Variants in ARB2A observed in about 807,000 individuals in gnomAD.
The protein encoded by ARB2A is cotranscriptional regulator ARB2A.
the ARB2A span, among the ~76,000 whole-genome samples, chr5:93,972,796 C>T: frequency 6.6e-6 from 1 of 151,818 alleles, no homozygotes; most frequent in African/African-American, 2.4e-5. Flanking sequence ...CTACAGGGGG[C>T]TTGTTGTGGT....
chr5:93,641,657 A>G, the ARB2A span, among the ~76,000 whole-genome samples: 4 of 152,252 alleles, frequency 2.6e-5, no homozygotes, highest in Non-Finnish European at 5.9e-5. Context: ...ACAATAATAA[A>G]GAATGCTATG....
At chr5:93,869,092 G>A in the ARB2A span, among the ~76,000 whole-genome samples, 1 of 152,164 alleles carries the variant, frequency 6.6e-6, no homozygotes, top group Non-Finnish European at 1.5e-5. Flanking sequence ...ATAACTATGA[G>A]TAAGTCTGTT....
chr5:93,622,014 T>G, the ARB2A span, among the ~76,000 whole-genome samples: 1 of 152,182 alleles, frequency 6.6e-6, no homozygotes, highest in Non-Finnish European at 1.5e-5. Flanking sequence ...GTAATACTAA[T>G]GTACAGCATG....
the ARB2A span, among the ~76,000 whole-genome samples, chr5:93,677,885 A>G: frequency 6.6e-6 from 1 of 152,194 alleles, no homozygotes; most frequent in South Asian, 2.1e-4. Context: ...TGGGGATCTC[A>G]GTGCTACTTC....
chr5:94,092,829 T>C, the ARB2A span, among the ~76,000 whole-genome samples: 1 of 152,138 alleles, frequency 6.6e-6, no homozygotes, highest in Admixed American at 6.5e-5. Flanking sequence ...TTATACCTAA[T>C]TGAAACATCC....
At chr5:93,699,217 T>C in the ARB2A span, among the ~76,000 whole-genome samples, 1 of 152,136 alleles carries the variant, frequency 6.6e-6, no homozygotes, top group Non-Finnish European at 1.5e-5. Flanking sequence ...AGCCTGTGCT[T>C]TTAACCACTA....
the ARB2A span, among the ~76,000 whole-genome samples, chr5:94,030,141 A>G: frequency 1.3e-5 from 2 of 152,072 alleles, no homozygotes; most frequent in African/African-American, 4.8e-5. Context: ...GAGCTACACA[A>G]CTCGAGATTT....
the ARB2A span, among the ~76,000 whole-genome samples, chr5:94,089,321 G>C: frequency 2.0e-5 from 3 of 152,104 alleles, no homozygotes; most frequent in Non-Finnish European, 4.4e-5. Context: ...GACTGACAAA[G>C]AACTAGCACT....
the ARB2A span, among the ~76,000 whole-genome samples, chr5:94,096,204 C>T: frequency 6.6e-6 from 1 of 152,174 alleles, no homozygotes; most frequent in Non-Finnish European, 1.5e-5. Flanking sequence ...AGCATCTAAT[C>T]TAACCATCAA....
the ARB2A span, among the ~76,000 whole-genome samples, chr5:93,714,166 A>G: frequency 6.6e-6 from 1 of 152,250 alleles, no homozygotes; most frequent in Admixed American, 6.5e-5. Flanking sequence ...CAAGCTGATT[A>G]CAAAACAGAA....
the ARB2A span, among the ~76,000 whole-genome samples, chr5:94,025,949 A>C: frequency 2.2e-4 from 34 of 152,292 alleles, no homozygotes; most frequent in East Asian, 5.2e-3. Context: ...TGAGTGAGCA[A>C]GTGCAAGGTC....
chr5:93,926,985 T>C, the ARB2A span, among the ~76,000 whole-genome samples: 1 of 149,550 alleles, frequency 6.7e-6, no homozygotes, highest in South Asian at 2.1e-4. Flanking sequence ...GGAATTTAGG[T>C]CATTGAGAGA....
At chr5:94,014,005 C>T in the ARB2A span, among the ~76,000 whole-genome samples, 1 of 152,182 alleles carries the variant, frequency 6.6e-6, no homozygotes. Context: ...CAGATCCCCA[C>T]CATCTTGGGG....
chr5:93,961,906 T>C, the ARB2A span, among the ~76,000 whole-genome samples: 1 of 152,176 alleles, frequency 6.6e-6, no homozygotes, highest in African/African-American at 2.4e-5. Flanking sequence ...AGAGCAGTAT[T>C]TTAGCTGGTC....
the ARB2A span, among the ~76,000 whole-genome samples, chr5:93,792,184 G>C: frequency 1.3e-5 from 2 of 152,120 alleles, no homozygotes; most frequent in Non-Finnish European, 1.5e-5. Context: ...ATGTTGACTT[G>C]TTTGATTAAA....
chr5:93,941,842 C>G, the ARB2A span, among the ~76,000 whole-genome samples: 2 of 152,104 alleles, frequency 1.3e-5, no homozygotes, highest in East Asian at 3.9e-4. Flanking sequence ...TAATATTTTT[C>G]TTAGGATGAT....
the ARB2A span, among the ~76,000 whole-genome samples, chr5:93,635,069 T>C: frequency 6.6e-6 from 1 of 152,110 alleles, no homozygotes; most frequent in Non-Finnish European, 1.5e-5. Context: ...CCACCGCACC[T>C]GGCCTTCTTT....
chr5:93,892,563 AT>A, the ARB2A span, among the ~76,000 whole-genome samples: 1 of 152,124 alleles, frequency 6.6e-6, no homozygotes, highest in Non-Finnish European at 1.5e-5. Flanking sequence ...TAACATGCCA[AT>A]TAGAAGTTCT....
At chr5:94,109,517 C>T in the ARB2A span, among the ~76,000 whole-genome samples, 50 of 152,292 alleles carry the variant, frequency 3.3e-4, no homozygotes, top group East Asian at 5.2e-3. Flanking sequence ...AACATCTCTA[C>T]ATATCTACAG....
Sources: gnomAD v4.1 joint callset for allele counts (sites outside exome capture counted in the v4.1 genomes callset) on GRCh38, gnomAD v4.1.1 for gene constraint, MANE v1.5 for transcripts, NCBI Gene and HGNC (gene_info 2026-07-23, HGNC 2026-07-21) for gene names.